Variants in AGFG2 observed in about 807,000 individuals in gnomAD.
AGFG2 encodes arf-GAP domain and FG repeat-containing protein 2.
Under a neutral mutation model 48.0 loss-of-function variants are expected in AGFG2, and 31 were observed. The observed-to-expected ratio is 0.65, with a 90% CI of 0.49 to 0.87. The LOEUF is 0.87. Among genes scored for constraint, AGFG2 ranks in the 40% least tolerant of loss-of-function variants. AGFG2 has a pLI of 0.00. For missense variants in AGFG2, 599 were observed against 632.6 expected, an observed-to-expected ratio of 0.95 and a Z score of 0.57; for synonymous variants, 229 against 260.8, an observed-to-expected ratio of 0.88 and a Z score of 1.18.
intron 6 of AGFG2, among the ~76,000 whole-genome samples, chr7:100,558,742 C>T (rs1479410350): frequency 6.6e-6 from 1 of 151,884 alleles, no homozygotes; most frequent in African/African-American, 2.4e-5. Flanking sequence ...AGGGTTTCAC[C>T]GTAAAGACAG....
chr7:100,539,383 G>GGCGGGGTCA lies in AGFG2; in HGVS notation c.44_52dup (p.Val15_Gly17dup). The GGCGGGGTCA allele has an allele frequency of 1.6e-6, 2 of 1,290,310 alleles. No homozygotes were observed. The highest frequency in any genetic ancestry group is 2.0e-6 in the Non-Finnish European group (2 of 1,015,330). The allele number at this position is 1,290,310 out of a possible 1,614,324, so 79.9% of individuals were successfully genotyped here. On this transcript the variant is annotated inframe_insertion, in exon 1 of 12. Transcript: ENST00000300176. ...GGCGAAGAAGGGCCCGGGCCCGGGCGGCGGGGTCAGCGGGGGCAAGGCGGA... is the reference window on the plus strand; with the variant it reads ...GGCGAAGAAGGGCCCGGGCCCGGGCGGCGGGGTCAGCGGGGTCAGCGGGGGCAAGGCGGA...
At chr7:100,542,309 C>A (rs993533151) in intron 1 of AGFG2, among the ~76,000 whole-genome samples, 2 of 152,194 alleles carry the variant, frequency 1.3e-5, no homozygotes, top group Admixed American at 6.5e-5. Flanking sequence ...GCCACGGCAC[C>A]CAGCCTGCTT....
intron 5 of AGFG2, 33 bp from the exon 6 acceptor site, chr7:100,555,577 T>G: frequency 6.3e-7 from 1 of 1,595,238 alleles, no homozygotes. Context: ...CCGACAATTT[T>G]CTATATAACC....
chr7:100,556,805 G>A (rs558870094), intron 6 of AGFG2, among the ~76,000 whole-genome samples: 7 of 152,318 alleles, frequency 4.6e-5, no homozygotes, highest in African/African-American at 1.4e-4. Context: ...CTTGACTCAT[G>A]CTCTGCCCAC....
intron 9 of AGFG2, among the ~76,000 whole-genome samples, chr7:100,563,369 C>T (rs970731078): frequency 2.0e-5 from 3 of 152,230 alleles, no homozygotes; most frequent in Non-Finnish European, 2.9e-5. Flanking sequence ...CTGCTGCTCT[C>T]CCCTCAGACT....
intron 2 of AGFG2, among the ~76,000 whole-genome samples, chr7:100,549,662 A>G (rs1800584608): frequency 6.6e-6 from 1 of 152,100 alleles, no homozygotes; most frequent in Non-Finnish European, 1.5e-5. Context: ...CACTGTGTCC[A>G]TGCTCAATAT....
chr7:100,556,173 G>A, intron 6 of AGFG2: 1 of 198,410 alleles, frequency 5.0e-6, no homozygotes, highest in Non-Finnish European at 1.1e-5. Flanking sequence ...GTTGCTGCCA[G>A]CCACAATGGC....
Position 100,548,883 on chromosome 7 carries a change from G to T in AGFG2, c.283G>T (p.Glu95Ter). ...SISMTTFTEP[E>*]VVFLQSRGNE... ...CTCCATGACAACTTTCACTGAGCCT[G>T]AAGTAGTATTCCTGCAATCCCGTGG... Residue 95 changes from glutamate to a stop codon, truncating the protein, a stop_gained, in exon 2 of 12, where the codon GAA becomes TAA. Coordinates refer to ENST00000300176, the MANE Select transcript of AGFG2 (RefSeq NM_006076.5). LOFTEE classifies it high-confidence loss of function. The T allele has an allele frequency of 6.2e-7, 1 of 1,613,860 alleles. No individual in the cohort carries two copies. The highest frequency in any genetic ancestry group is 1.1e-5 in the South Asian group (1 of 91,076).
At chr7:100,540,078 G>A (rs1390518260) in intron 1 of AGFG2, among the ~76,000 whole-genome samples, 1 of 150,882 alleles carries the variant, frequency 6.6e-6, no homozygotes, top group African/African-American at 2.4e-5. Context: ...GCAGAAGCCA[G>A]CTGAAACTTG....
intron 2 of AGFG2, among the ~76,000 whole-genome samples, chr7:100,549,654 C>T (rs1023904081): frequency 6.6e-6 from 1 of 152,274 alleles, no homozygotes; most frequent in East Asian, 1.9e-4. Flanking sequence ...GATCCTAGCA[C>T]TGTGTCCATG....
At chr7:100,541,764 C>CAAA (rs1800425528) in intron 1 of AGFG2, among the ~76,000 whole-genome samples, 3 of 103,018 alleles carry the variant, frequency 2.9e-5, no homozygotes, top group African/African-American at 1.2e-4. Flanking sequence ...GACTCTGTCT[C>CAAA]ACAAAAAAAA....
Position 100,562,639 on chromosome 7 carries a change from G to A in AGFG2, c.1044G>A (p.Thr348=), listed in dbSNP as rs144278960. The A allele has an allele frequency of 8.7e-6, 14 of 1,611,774 alleles. No individual in the cohort carries two copies. Among genetic ancestry groups the A allele is most frequent in the African/African-American group, 5.3e-5 (4 of 75,026 alleles). The stretch of plus-strand genomic sequence containing the variant: ...AGGTCCCCCCGCTCCAGTCTGTCAC[G>A]ATGGGCGGCGGCGGCGGCAGCAGCA... ...AGQVPPLQSV[T]MGGGGGSSTG... Residue 348 remains threonine (T), a synonymous_variant, in exon 8 of 12, where the codon ACG becomes ACA. Transcript: ENST00000300176. This position sits in a 1 kb window ranked among gnomAD's most constrained non-coding sequence, Gnocchi z 5.4.
At chr7:100,561,870 C>T (rs901874486) in intron 6 of AGFG2, among the ~76,000 whole-genome samples, 3 of 152,232 alleles carry the variant, frequency 2.0e-5, no homozygotes, top group African/African-American at 7.2e-5. Flanking sequence ...CCTGCCCCTC[C>T]CTGCCATGTT....
rs1801023925 is a variant in AGFG2 at position 100,567,024 on chromosome 7, C to T, written c.*2033C>T. On this transcript the variant is annotated 3_prime_UTR_variant, in exon 12 of 12. Coordinates refer to ENST00000300176, the MANE Select transcript of AGFG2 (RefSeq NM_006076.5). ...AGGGCTTTCTCCTGCTTCTGTCACC[C>T]TGTGCTGTCTCCCGGCATCTCCTCA... The T allele has an allele frequency of 6.5e-6, 1 of 152,722 alleles. No individual in the cohort carries two copies. Among genetic ancestry groups the T allele is most frequent in the African/African-American group, 2.4e-5 (1 of 41,452 alleles). The allele number at this position is 152,722 out of a possible 1,614,324, so 9.5% of individuals were successfully genotyped here.
chr7:100,561,455 C>T (rs561833347), intron 6 of AGFG2, among the ~76,000 whole-genome samples: 1 of 152,268 alleles, frequency 6.6e-6, no homozygotes, highest in East Asian at 1.9e-4. Context: ...CTGGACCCTC[C>T]TTTTACATTC....
At chr7:100,564,408 G>C in intron 11 of AGFG2, 105 bp downstream of exon 11, 1 of 1,213,252 alleles carries the variant, frequency 8.2e-7, no homozygotes, top group Admixed American at 2.1e-5. Flanking sequence ...CCCCTTCCTC[G>C]TGAAGGTCTG....
At chr7:100,551,070 C>T (rs1051990007) in intron 3 of AGFG2, among the ~76,000 whole-genome samples, 1,956 of 42,808 alleles carry the variant, frequency 0.046, 71 homozygotes, top group African/African-American at 0.1. Context: ...ATATATATTT[C>T]TTTTTTTTTT....
chr7:100,546,963 C>G (rs1800522554), intron 1 of AGFG2, among the ~76,000 whole-genome samples: 1 of 152,130 alleles, frequency 6.6e-6, no homozygotes, highest in African/African-American at 2.4e-5. Context: ...GGCATCAGTC[C>G]TCTTTGATAT....
chr7:100,546,766 G>T (rs956273327), intron 1 of AGFG2, among the ~76,000 whole-genome samples: 2 of 152,286 alleles, frequency 1.3e-5, no homozygotes, highest in South Asian at 2.1e-4. Flanking sequence ...CTAAAAGCAG[G>T]CTGGCTAGAA....
Sources: gnomAD v4.1 joint callset for allele counts (sites outside exome capture counted in the v4.1 genomes callset) on GRCh38, gnomAD v4.1.1 for gene constraint, Gnocchi (gnomAD v3.1) non-coding constraint, MANE v1.5 for transcripts, NCBI Gene and HGNC (gene_info 2026-07-23, HGNC 2026-07-21) for gene names.